PTPRM: variants seen among roughly 807,000 people sequenced by gnomAD.
The protein encoded by PTPRM is receptor-type tyrosine-protein phosphatase mu.
PTPRM carries 47 observed loss-of-function variants against 186.7 expected under a neutral mutation model. That is an observed-to-expected ratio of 0.25 (90% CI 0.20 to 0.32). The LOEUF (loss-of-function observed/expected upper bound fraction) is 0.32. Ranked by LOEUF, PTPRM falls within the 10% of genes least tolerant of loss-of-function variation. The pLI, the probability that PTPRM is intolerant of heterozygous loss-of-function variation, is 1.00. For missense variants in PTPRM, 1,494 were observed against 1,865.0 expected, an observed-to-expected ratio of 0.80 and a Z score of 3.66; for synonymous variants, 668 against 674.9, an observed-to-expected ratio of 0.99 and a Z score of 0.16.
chr18:8,261,056 A>C (rs2094626047), intron 19 of PTPRM, among the ~76,000 whole-genome samples: 1 of 152,216 alleles, frequency 6.6e-6, no homozygotes, highest in South Asian at 2.1e-4. Context: ...TTCTGTGTGC[A>C]GTCCAGAGGG....
intron 1 of PTPRM, among the ~76,000 whole-genome samples, chr18:7,738,599 C>CAA (rs1446593704): frequency 8.9e-6 from 1 of 111,762 alleles, no homozygotes; most frequent in East Asian, 5.9e-4. Flanking sequence ...CCACACCCGG[C>CAA]TATTTTTTTT....
At chr18:7,915,742 G>A (rs981157462) in intron 4 of PTPRM, among the ~76,000 whole-genome samples, 5 of 152,200 alleles carry the variant, frequency 3.3e-5, no homozygotes, top group African/African-American at 1.2e-4. Context: ...AAGGACTGAA[G>A]GAAGTACTGA....
At chr18:7,586,361 A>G (rs917664259) in intron 1 of PTPRM, among the ~76,000 whole-genome samples, 1 of 152,104 alleles carries the variant, frequency 6.6e-6, no homozygotes, top group Non-Finnish European at 1.5e-5. Flanking sequence ...AGGACTAAGG[A>G]CCTGGGGGAA....
rs946432565 is a variant in PTPRM, at chr18:7,861,162, T to C, written c.197-26944T>C. Among the ~76,000 whole-genome samples the C allele has an allele frequency of 2.6e-5, 4 of 152,198 alleles. No homozygotes were observed. The East Asian group carries it at 7.7e-4, about 29-fold the overall frequency. ...CTGTATCCTAGGCTCTTCGCTCTGT[T>C]TCTAGACCTTTAATAAATGAGTTCT... On this transcript the variant is annotated intron_variant, in intron 2 of 32. Transcript: ENST00000580170.
intron 14 of PTPRM, among the ~76,000 whole-genome samples, chr18:8,227,618 A>G (rs1262315219): frequency 6.6e-6 from 1 of 152,234 alleles, no homozygotes; most frequent in Non-Finnish European, 1.5e-5. Flanking sequence ...ACATAGAGAC[A>G]TTCCAGAATT....
intron 31 of PTPRM, among the ~76,000 whole-genome samples, chr18:8,390,888 A>G (rs893171308): frequency 6.6e-6 from 1 of 151,770 alleles, no homozygotes; most frequent in African/African-American, 2.4e-5. Flanking sequence ...AGATCGTGCC[A>G]CTGCACTCTA....
chr18:8,363,584 A>G (rs1598441819), intron 23 of PTPRM, among the ~76,000 whole-genome samples: 1 of 152,068 alleles, frequency 6.6e-6, no homozygotes. Flanking sequence ...AGTATGTGAC[A>G]CTCTCTGTTT....
intron 2 of PTPRM, among the ~76,000 whole-genome samples, chr18:7,830,375 T>A (rs2045698349): frequency 6.6e-6 from 1 of 152,202 alleles, no homozygotes; most frequent in African/African-American, 2.4e-5. Flanking sequence ...TTTACAGACA[T>A]GCACCACTTA....
chr18:7,600,602 T>C (rs2143737981), intron 1 of PTPRM, among the ~76,000 whole-genome samples: 1 of 152,332 alleles, frequency 6.6e-6, no homozygotes, highest in African/African-American at 2.4e-5. Context: ...ACCTTGTGCG[T>C]TGTCTCTACC....
intron 7 of PTPRM, among the ~76,000 whole-genome samples, chr18:8,053,615 A>G (rs572178004): frequency 6.6e-6 from 1 of 152,194 alleles, no homozygotes; most frequent in South Asian, 2.1e-4. Context: ...CATTCTTCCT[A>G]CGGAGTGTTC....
At chr18:7,932,192 C>T (rs944802291) in intron 5 of PTPRM, among the ~76,000 whole-genome samples, 2 of 152,168 alleles carry the variant, frequency 1.3e-5, no homozygotes, top group Non-Finnish European at 2.9e-5. Flanking sequence ...AAAGGATGAA[C>T]AGATCTTTGA....
chr18:7,887,907 T>C, intron 2 of PTPRM, 199 bp from the exon 3 acceptor site: 2 of 761,896 alleles, frequency 2.6e-6, no homozygotes, highest in Non-Finnish European at 4.8e-6. Context: ...ATTAATACTA[T>C]GTGCACTCTT....
chr18:8,356,151 C>T (rs1247728653), intron 23 of PTPRM, among the ~76,000 whole-genome samples: 1 of 152,238 alleles, frequency 6.6e-6, no homozygotes, highest in African/African-American at 2.4e-5. Context: ...AGCCAGCCTG[C>T]AGCGTTGAGG....
At chr18:7,679,950 C>T (rs778823828) in intron 1 of PTPRM, among the ~76,000 whole-genome samples, 22 of 152,134 alleles carry the variant, frequency 1.4e-4, no homozygotes, top group African/African-American at 5.1e-4. Context: ...ACCACAGCCT[C>T]AAACTCCTGG....
intron 22 of PTPRM, among the ~76,000 whole-genome samples, chr18:8,330,736 G>A (rs879736727): frequency 6.6e-6 from 1 of 150,976 alleles, no homozygotes; most frequent in Non-Finnish European, 1.5e-5. Flanking sequence ...CTCAGTTTCT[G>A]AGCGTTCTCT....
intron 7 of PTPRM, among the ~76,000 whole-genome samples, chr18:7,978,339 C>T (rs1012789767): frequency 2.6e-5 from 4 of 151,990 alleles, no homozygotes; most frequent in Non-Finnish European, 4.4e-5. Context: ...TTAGCTGTAA[C>T]TCTACTAAGA....
At chr18:7,587,575 G>A (rs1243356366) in intron 1 of PTPRM, among the ~76,000 whole-genome samples, 1 of 151,930 alleles carries the variant, frequency 6.6e-6, no homozygotes. Context: ...TAGACCAAGA[G>A]GCTTTGCAAA....
intron 5 of PTPRM, among the ~76,000 whole-genome samples, chr18:7,938,697 A>T (rs985022733): frequency 6.6e-6 from 1 of 152,214 alleles, no homozygotes; most frequent in African/African-American, 2.4e-5. Flanking sequence ...TTATTAAATG[A>T]TGTTATTCAG....
chr18:8,261,642 A>T (rs1413959844), intron 19 of PTPRM, among the ~76,000 whole-genome samples: 1 of 152,170 alleles, frequency 6.6e-6, no homozygotes, highest in Admixed American at 6.5e-5. Flanking sequence ...CCTCTTTCAC[A>T]TCAGCTAATT....
Sources: gnomAD v4.1 joint callset for allele counts (sites outside exome capture counted in the v4.1 genomes callset) on GRCh38, gnomAD v4.1.1 for gene constraint, MANE v1.5 for transcripts, NCBI Gene and HGNC (gene_info 2026-07-23, HGNC 2026-07-21) for gene names.